The following CEP55 variants were observed in gnomAD, a reference collection of about 807,000 sequenced individuals.
CEP55 encodes the protein centrosomal protein 55, also known as centrosomal protein of 55 kDa.
A neutral mutation model predicts 63.2 loss-of-function variants in CEP55; 57 were observed. The ratio of observed to expected loss-of-function variants is 0.90; its 90% CI spans 0.73 to 1.13. CEP55 has a LOEUF of 1.13. Ranked by LOEUF, CEP55 falls within the 50% of genes most tolerant of loss-of-function variation. The pLI, the probability that CEP55 is intolerant of heterozygous loss-of-function variation, is 0.00. For synonymous variants in CEP55, 178 were observed against 191.6 expected, an observed-to-expected ratio of 0.93 and a Z score of 0.59; for missense variants, 456 against 518.9, an observed-to-expected ratio of 0.88 and a Z score of 1.18.
In CEP55 at chr10:93,518,892, A is replaced by T; in HGVS notation, c.1009A>T (p.Thr337Ser). 1 of 1,610,502 alleles carries T rather than the reference A, an allele frequency of 6.2e-7. No individual in the cohort carries two copies. Among genetic ancestry groups the T allele is most frequent in the Non-Finnish European group, 8.5e-7 (1 of 1,177,140 alleles). Residue 337 changes from threonine to serine, a missense_variant, in exon 7 of 9, where the codon ACA becomes TCA. Physicochemically the swap from Thr to Ser is moderately conservative, Grantham distance 58. Transcript: ENST00000371485. ...TGTCCTACAGGTCCAGTTTCTTTAC[A>T]CATCTCTGCTAAAGCAGCAAGAAGA... The part of the protein sequence containing the change: ...ELLSQVQFLY[T>S]SLLKQQEEQT...
chr10:93,500,114 C>T lies in CEP55; in HGVS notation c.63C>T (p.Ser21=), dbSNP rs761515057. The T allele has an allele frequency of 1.2e-6, 2 of 1,613,524 alleles. No homozygotes were observed. Among genetic ancestry groups the T allele is most frequent in the South Asian group, 2.2e-5 (2 of 91,014 alleles). Residue 21 remains serine (S), a synonymous_variant, in exon 2 of 9, where the codon TCC becomes TCT. Coordinates refer to ENST00000371485, the MANE Select transcript of CEP55 (RefSeq NM_018131.5). The part of the protein sequence containing the change: ...KSKWGSKPSN[S]KSETTLEKLK... ...AGTGGGGATCGAAGCCTAGTAACTCCAAATCCGAAACTACATTAGAAAAAT... is the reference window on the plus strand; with the variant it reads ...AGTGGGGATCGAAGCCTAGTAACTCTAAATCCGAAACTACATTAGAAAAAT...
chr10:93,514,016 C>T (rs1027350385), intron 4 of CEP55, among the ~76,000 whole-genome samples: 25 of 149,084 alleles, frequency 1.7e-4, no homozygotes, highest in African/African-American at 6.1e-4. Context: ...GCAATCTTGG[C>T]TCACTGCAAC....
At position 93,506,407 on chromosome 10, in the gene CEP55, G is replaced by T. The variant is rs147637536; in HGVS notation, c.460-581G>T. The stretch of plus-strand genomic sequence containing the variant: ...TTCATATGCACTGAGGGCTATTCTG[G>T]CAATCCTGGGGTCTAGAGGACTGCA... On this transcript the variant is annotated intron_variant, in intron 3 of 8. Transcript: ENST00000371485. Among the ~76,000 whole-genome samples the T allele has an allele frequency of 3.4e-3, 525 of 152,228 alleles. 4 individuals are homozygous for T. The highest frequency in any genetic ancestry group is 0.012 in the African/African-American group (498 of 41,532).
intron 3 of CEP55, among the ~76,000 whole-genome samples, chr10:93,505,324 C>T (rs556514198): frequency 1.2e-4 from 19 of 152,144 alleles, no homozygotes; most frequent in Non-Finnish European, 2.8e-4. Flanking sequence ...AGGTTCCTTC[C>T]TTCTAGTGGC....
chr10:93,499,324 T>C (rs977803518), intron 1 of CEP55, among the ~76,000 whole-genome samples: 2 of 152,192 alleles, frequency 1.3e-5, no homozygotes, highest in African/African-American at 4.8e-5. Flanking sequence ...GCCTATATAC[T>C]CAGAATTACA....
At chr10:93,520,604 A>T (rs1259157112) in intron 8 of CEP55, among the ~76,000 whole-genome samples, 1 of 152,100 alleles carries the variant, frequency 6.6e-6, no homozygotes, top group African/African-American at 2.4e-5. Flanking sequence ...TTTTTCACTT[A>T]CTTATTCTCA....
chr10:93,516,381 A>G (rs963179451), intron 5 of CEP55, among the ~76,000 whole-genome samples: 2 of 152,230 alleles, frequency 1.3e-5, no homozygotes, highest in South Asian at 2.1e-4. Flanking sequence ...AGTTGCTTCT[A>G]TAAAATATGT....
Position 93,500,132 on chromosome 10 carries a change from A to G in CEP55, c.81A>G (p.Leu27=). Residue 27 remains leucine, a synonymous_variant, in exon 2 of 9, where the codon TTA becomes TTG. Coordinates refer to ENST00000371485, the MANE Select transcript of CEP55 (RefSeq NM_018131.5). ...GTAACTCCAAATCCGAAACTACATT[A>G]GAAAAATTAAAGGGAGAAATTGCAC... ...KPSNSKSETT[L]EKLKGEIAHL... is the part of the protein sequence containing the mutation. The G allele has an allele frequency of 6.2e-7, 1 of 1,613,802 alleles. No individual in the cohort carries two copies. Among genetic ancestry groups the G allele is most frequent in the Non-Finnish European group, 8.5e-7 (1 of 1,179,748 alleles).
intron 1 of CEP55, among the ~76,000 whole-genome samples, chr10:93,498,496 T>C (rs2057597999): frequency 6.6e-6 from 1 of 152,206 alleles, no homozygotes; most frequent in Non-Finnish European, 1.5e-5. Flanking sequence ...TTTCTTTAAC[T>C]GATGGATGAG....
chr10:93,528,491 T>A lies in CEP55; in HGVS notation c.*338T>A, dbSNP rs1354086301. ...ATGCACCAGCAAGCAAAATATTTTATGTTTTGGGGGTTTTGAAAAATCAAA... is the reference window on the plus strand; with the variant it reads ...ATGCACCAGCAAGCAAAATATTTTAAGTTTTGGGGGTTTTGAAAAATCAAA... On this transcript the variant is annotated 3_prime_UTR_variant, in exon 9 of 9. Transcript: ENST00000371485. 1 of 152,330 alleles carries A rather than the reference T, an allele frequency of 6.6e-6. No homozygotes were observed. The highest frequency in any genetic ancestry group is 1.4e-5 in the Non-Finnish European group (1 of 72,504). 9.4% of individuals were successfully genotyped at this position (152,330 alleles called of 1,614,324 possible).
rs2057618023 is a variant in CEP55 at position 93,500,159 on chromosome 10, C to A, written c.108C>A (p.His36Gln). ...AAAAATTAAAGGGAGAAATTGCACA[C>A]TTAAAGACATCAGTGGATGAAATCA... The part of the protein sequence containing the change: ...TLEKLKGEIA[H>Q]LKTSVDEITS... The change falls in exon 2 of 9, where the codon CAC becomes CAA. Residue 36 changes from histidine to glutamine, a missense_variant. By Grantham distance (24) the His-to-Gln change is conservative (BLOSUM62 0). Transcript: ENST00000371485. The A allele has an allele frequency of 6.2e-7, 1 of 1,613,706 alleles. No homozygotes were observed. Among genetic ancestry groups the A allele is most frequent in the Non-Finnish European group, 8.5e-7 (1 of 1,179,844 alleles).
intron 4 of CEP55, among the ~76,000 whole-genome samples, chr10:93,515,137 T>A (rs962116814): frequency 6.6e-6 from 1 of 152,186 alleles, no homozygotes; most frequent in Non-Finnish European, 1.5e-5. Flanking sequence ...ATAAAACGTG[T>A]TTTAGTTTAC....
chr10:93,522,692 G>C (rs1259540313), intron 8 of CEP55, among the ~76,000 whole-genome samples: 1 of 152,282 alleles, frequency 6.6e-6, no homozygotes, highest in African/African-American at 2.4e-5. Context: ...AGAGAGAAAG[G>C]TCGGGTTACC....
At chr10:93,523,233 G>A (rs2057882434) in intron 8 of CEP55, among the ~76,000 whole-genome samples, 1 of 152,088 alleles carries the variant, frequency 6.6e-6, no homozygotes, top group Non-Finnish European at 1.5e-5. Context: ...AAAACAAAGG[G>A]ATTGAGGAAG....
At chr10:93,524,254 G>A (rs1322196241) in intron 8 of CEP55, among the ~76,000 whole-genome samples, 1 of 151,984 alleles carries the variant, frequency 6.6e-6, no homozygotes, top group Non-Finnish European at 1.5e-5. Flanking sequence ...ATGATAAAGG[G>A]GATATCACAC....
At chr10:93,507,467 C>G (rs2057701103) in intron 4 of CEP55, among the ~76,000 whole-genome samples, 1 of 151,766 alleles carries the variant, frequency 6.6e-6, no homozygotes, top group Non-Finnish European at 1.5e-5. Context: ...AGTGATCTGC[C>G]CACCTCAGCC....
At chr10:93,499,978 T>A in intron 1 of CEP55, 62 bp from the exon 2 acceptor site, 1 of 1,181,596 alleles carries the variant, frequency 8.5e-7, no homozygotes, top group Non-Finnish European at 1.2e-6. Context: ...ATTAGACCTG[T>A]TTCAAACTTG....
rs781279104 is a variant in CEP55 at position 93,515,391 on chromosome 10, A to G, written c.529-14A>G. ...TTTATTTTACTGTTGATTTTCTTTC[A>G]TCTTCCCATTAAGGCTCTGGAGAAA... On this transcript the variant is annotated splice_polypyrimidine_tract_variant and intron_variant, in intron 4 of 8. Coordinates refer to ENST00000371485, the MANE Select transcript of CEP55 (RefSeq NM_018131.5). The G allele has an allele frequency of 8.3e-6, 13 of 1,566,864 alleles. No individual in the cohort carries two copies. The highest frequency in any genetic ancestry group is 2.3e-5 in the South Asian group (2 of 87,826).
At chr10:93,515,579 C>G in intron 5 of CEP55, 24 bp downstream of exon 5, 1 of 1,567,014 alleles carries the variant, frequency 6.4e-7, no homozygotes, top group Non-Finnish European at 8.7e-7. Context: ...TAAAAATGTT[C>G]TCTAGGGATA....
Sources: gnomAD v4.1 joint callset for allele counts (sites outside exome capture counted in the v4.1 genomes callset) on GRCh38, gnomAD v4.1.1 for gene constraint, MANE v1.5 for transcripts, NCBI Gene and HGNC (gene_info 2026-07-23, HGNC 2026-07-21) for gene names.